The following ALDH1L1 variants were observed in gnomAD, a reference collection of about 807,000 sequenced individuals.
The protein encoded by ALDH1L1 is cytosolic 10-formyltetrahydrofolate dehydrogenase.
ALDH1L1 carries 68 observed loss-of-function variants against 101.1 expected under a neutral mutation model. That is an observed-to-expected ratio of 0.67 (90% CI 0.55 to 0.82). ALDH1L1 has a LOEUF of 0.82. Ranked by LOEUF, ALDH1L1 falls within the 40% of genes least tolerant of loss-of-function variation. The pLI is 0.00. For missense variants in ALDH1L1, 1,087 were observed against 1,172.7 expected, an observed-to-expected ratio of 0.93 and a Z score of 1.07; for synonymous variants, 486 against 470.8, an observed-to-expected ratio of 1.03 and a Z score of -0.42.
At chr3:126,152,953 G>A (rs559883377) in intron 7 of ALDH1L1, 10 of 238,898 alleles carry the variant, frequency 4.2e-5, no homozygotes, top group Admixed American at 2.1e-4. Context: ...TGCTGGTACC[G>A]TGAGTTGTAG....
At chr3:126,135,423 C>A in intron 12 of ALDH1L1, 112 bp downstream of exon 12, 2 of 1,477,500 alleles carry the variant, frequency 1.4e-6, no homozygotes, top group Non-Finnish European at 1.8e-6. Flanking sequence ...CATAGCCTCC[C>A]CAGGACCCAG....
chr3:126,156,987 A>G (rs143065468), intron 4 of ALDH1L1, among the ~76,000 whole-genome samples: 712 of 152,292 alleles, frequency 4.7e-3, no homozygotes, highest in Admixed American at 8.7e-3. Context: ...CAACGAGTGA[A>G]GGAGAGAGAA....
chr3:126,188,893 A>G, intron 1 of ALDH1L1, among the ~76,000 whole-genome samples: 1 of 152,194 alleles, frequency 6.6e-6, no homozygotes, highest in Non-Finnish European at 1.5e-5. Context: ...AATAGATCAA[A>G]CAATACACCA....
Position 126,131,480 on chromosome 3 carries a change from C to T in ALDH1L1, c.1527G>A (p.Leu509=). ...HQEELATIEA[L]DAGAVYTLAL... is the part of the protein sequence containing the mutation. ...CCAGCGTGTAGACGGCACCCGCATC[C>T]AGGGCCTCAATGGTGGCCAGCTCCT... is the stretch of plus-strand genomic sequence containing the variant. Residue 509 remains leucine (L), a synonymous_variant, in exon 13 of 23, where the codon CTG becomes CTA. Coordinates refer to ENST00000393434, the MANE Select transcript of ALDH1L1 (RefSeq NM_012190.4). 1.2e-6 allele frequency: 2 copies of T among 1,613,420 alleles called. No individual in the cohort carries two copies. Among genetic ancestry groups the T allele is most frequent in the South Asian group, 2.2e-5 (2 of 91,052 alleles).
At chr3:126,146,361 C>T (rs62265230) in intron 9 of ALDH1L1, among the ~76,000 whole-genome samples, 6,391 of 152,230 alleles carry the variant, frequency 0.042, 209 homozygotes, top group Non-Finnish European at 0.065. Context: ...CTGGCAGATC[C>T]CGCCCTTATG....
chr3:126,145,118 C>A (rs1446630630), intron 9 of ALDH1L1, among the ~76,000 whole-genome samples: 2 of 152,070 alleles, frequency 1.3e-5, no homozygotes, highest in Non-Finnish European at 2.9e-5. Flanking sequence ...AAAATAAAAA[C>A]TACAATGAGA....
intron 8 of ALDH1L1, 151 bp downstream of exon 8, chr3:126,150,255 C>A: frequency 7.6e-7 from 1 of 1,320,970 alleles, no homozygotes; most frequent in Non-Finnish European, 1.0e-6. Context: ...CAGAAAGCTC[C>A]AAGACGAGAT....
At chr3:126,142,060 C>T (rs2080578913) in intron 9 of ALDH1L1, among the ~76,000 whole-genome samples, 2 of 151,258 alleles carry the variant, frequency 1.3e-5, no homozygotes, top group Admixed American at 1.3e-4. Flanking sequence ...TAAGAAAATA[C>T]ATGATAAATT....
chr3:126,173,826 C>G (rs1485689402), intron 1 of ALDH1L1, among the ~76,000 whole-genome samples: 1 of 152,110 alleles, frequency 6.6e-6, no homozygotes, highest in Non-Finnish European at 1.5e-5. Flanking sequence ...ATAAAGCAGA[C>G]TTCAGAGAAA....
intron 4 of ALDH1L1, 48 bp downstream of exon 4, chr3:126,157,295 T>C: frequency 1.9e-6 from 3 of 1,576,694 alleles, no homozygotes; most frequent in East Asian, 2.3e-5. Flanking sequence ...GGAGGATGCT[T>C]GAGGGTGCGT....
chr3:126,129,315 G>A (rs2080251135), intron 14 of ALDH1L1: 1 of 152,328 alleles, frequency 6.6e-6, no homozygotes, highest in Admixed American at 6.5e-5. Context: ...CAACATTCAG[G>A]TGGAGCTGAG....
At chr3:126,148,679 A>T (rs1248624803) in intron 8 of ALDH1L1, among the ~76,000 whole-genome samples, 1 of 150,570 alleles carries the variant, frequency 6.6e-6, no homozygotes, top group Non-Finnish European at 1.5e-5. Flanking sequence ...TCCACAGCTG[A>T]GACCTGCAGG....
chr3:126,158,807 A>C (rs1450145152), intron 2 of ALDH1L1, among the ~76,000 whole-genome samples, 168 bp from the exon 3 acceptor site: 1 of 152,182 alleles, frequency 6.6e-6, no homozygotes, highest in East Asian at 1.9e-4. Flanking sequence ...CCAGCCAAGC[A>C]TGAGGCTCTG....
At chr3:126,162,154 C>A (rs1353068855) in intron 1 of ALDH1L1, among the ~76,000 whole-genome samples, 1 of 152,142 alleles carries the variant, frequency 6.6e-6, no homozygotes, top group Non-Finnish European at 1.5e-5. Flanking sequence ...AAAGGTATTA[C>A]AAATAGGATG....
upstream of ALDH1L1, chr3:126,180,760 G>A (rs1056753726): frequency 1.7e-5 from 24 of 1,438,424 alleles, no homozygotes; most frequent in Non-Finnish European, 9.1e-6. Flanking sequence ...CAACCCCGCA[G>A]GGGCCTGCGC....
chr3:126,184,213 A>G (rs568922102), upstream of ALDH1L1, among the ~76,000 whole-genome samples: 291 of 152,290 alleles, frequency 1.9e-3, no homozygotes, highest in Middle Eastern at 6.8e-3. Context: ...AACGAGTCCC[A>G]CTGAAACCCT....
At chr3:126,153,077 C>T (rs1280063239) in intron 7 of ALDH1L1, 6 of 353,512 alleles carry the variant, frequency 1.7e-5, no homozygotes, top group Non-Finnish European at 1.7e-5. Flanking sequence ...GGCTTAATGA[C>T]CCCACACCCA....
chr3:126,154,720 A>C, intron 5 of ALDH1L1, 77 bp from the exon 6 acceptor site: 1 of 1,377,582 alleles, frequency 7.3e-7, no homozygotes, highest in Non-Finnish European at 1.0e-6. Flanking sequence ...TGGACAGTGG[A>C]CCAAGCTCTT....
At chr3:126,196,209 T>G (rs935589489) in intron 1 of ALDH1L1, among the ~76,000 whole-genome samples, 2 of 152,132 alleles carry the variant, frequency 1.3e-5, no homozygotes, top group Non-Finnish European at 2.9e-5. Context: ...CAGGAAAGCA[T>G]GCAGTTTCTA....
Sources: gnomAD v4.1 joint callset for allele counts (sites outside exome capture counted in the v4.1 genomes callset) on GRCh38, gnomAD v4.1.1 for gene constraint, MANE v1.5 for transcripts, NCBI Gene and HGNC (gene_info 2026-07-23, HGNC 2026-07-21) for gene names.